CRACD: variants seen among roughly 807,000 people sequenced by gnomAD.
CRACD encodes capping protein inhibiting regulator of actin dynamics.
Under a neutral mutation model 106.8 loss-of-function variants are expected in CRACD, and 56 were observed. The observed-to-expected ratio is 0.52, with a 90% confidence interval of 0.42 to 0.66. The LOEUF is 0.66. CRACD is among the 30% of genes least tolerant of loss of function. The probability of loss-of-function intolerance (pLI) is 0.00; values close to 1 mark genes in which losing one functional copy is unlikely to be tolerated. For synonymous variants in CRACD, 754 were observed against 670.8 expected, an observed-to-expected ratio of 1.12 and a Z score of -1.92; for missense variants, 1,730 against 1,623.2, an observed-to-expected ratio of 1.07 and a Z score of -1.13.
chr4:56,193,135 C>T (rs1249428576), intron 2 of CRACD, among the ~76,000 whole-genome samples: 2 of 152,196 alleles, frequency 1.3e-5, no homozygotes, highest in Middle Eastern at 6.3e-3. Flanking sequence ...GGATGTTTTA[C>T]ATGGCGGCAG....
chr4:56,137,089 A>C (rs1298366670), intron 1 of CRACD, among the ~76,000 whole-genome samples: 1 of 152,132 alleles, frequency 6.6e-6, no homozygotes, highest in East Asian at 1.9e-4. Context: ...GTCTGTCTTT[A>C]CACCAACACC....
chr4:56,082,061 C>T (rs757746275), intron 1 of CRACD, among the ~76,000 whole-genome samples: 6 of 152,042 alleles, frequency 3.9e-5, no homozygotes, highest in Non-Finnish European at 8.8e-5. Context: ...AAGTTTATTT[C>T]GTAAGAAATA....
rs761099922 is a variant in CRACD at position 56,323,574 on chromosome 4, A to G, written c.3378+7A>G. 3.9e-5 allele frequency: 60 copies of G among 1,549,370 alleles called. No homozygotes were observed. The highest frequency in any genetic ancestry group is 5.1e-5 in the Non-Finnish European group (59 of 1,155,606). ...AAAGCTCTCCAAAGAAAATGTGAGTAGCCTGGGCTTCAGCTGTGATTTTGC... is the reference window on the plus strand; with the variant it reads ...AAAGCTCTCCAAAGAAAATGTGAGTGGCCTGGGCTTCAGCTGTGATTTTGC... On this transcript the variant is annotated splice_region_variant and intron_variant, in intron 9 of 10. Transcript: ENST00000682029.
chr4:56,307,370 A>C (rs1201504285), intron 4 of CRACD, among the ~76,000 whole-genome samples, 165 bp from the exon 5 acceptor site: 1 of 152,194 alleles, frequency 6.6e-6, no homozygotes, highest in African/African-American at 2.4e-5. Context: ...AAACAAATTA[A>C]CTTATTACAG....
chr4:56,089,509 A>ATTT (rs761380094), intron 1 of CRACD, among the ~76,000 whole-genome samples: 9 of 124,296 alleles, frequency 7.2e-5, no homozygotes, highest in East Asian at 2.4e-4. Context: ...GTATTATAGG[A>ATTT]TTTTTTTTTT....
intron 2 of CRACD, among the ~76,000 whole-genome samples, chr4:56,265,647 G>A (rs56412848): frequency 0.26 from 39,772 of 151,904 alleles, 5,375 homozygotes; most frequent in Non-Finnish European, 0.27. Context: ...GAGCAAATGC[G>A]ATAACAGCAT....
At chr4:56,163,977 G>A (rs558981448) in intron 1 of CRACD, among the ~76,000 whole-genome samples, 2 of 151,884 alleles carry the variant, frequency 1.3e-5, no homozygotes, top group Non-Finnish European at 2.9e-5. Context: ...GGAGCTCCTG[G>A]CCTCAAGTGA....
rs146208914 is a variant in CRACD at position 56,316,543 on chromosome 4, G to A, written c.3041G>A (p.Arg1014Gln). Residue 1014 changes from arginine (R) to glutamine (Q), a missense_variant, in exon 8 of 11, where the codon CGG becomes CAG. By Grantham distance (43) the Arg-to-Gln change is conservative (BLOSUM62 1). Transcript: ENST00000682029. ...GAGGACCAGGAGAGCAGTGACCGCC[G>A]GCCACCCTCGCCCCCAGGCCCCGAG... is the stretch of plus-strand genomic sequence containing the variant. ...SKEDQESSDRRPPSPPGPEER... is the reference protein window; with the variant it reads ...SKEDQESSDRQPPSPPGPEER... 524 of 1,613,324 alleles carry A rather than the reference G, an allele frequency of 3.2e-4. 1 individual carries two copies. The African/African-American group carries it at 6.2e-3, about 19-fold the overall frequency.
intron 1 of CRACD, among the ~76,000 whole-genome samples, chr4:56,164,506 A>C (rs1000753863): frequency 2.6e-5 from 4 of 152,360 alleles, no homozygotes; most frequent in Non-Finnish European, 4.4e-5. Flanking sequence ...TACGTGCAAC[A>C]ACATGGAAGA....
intron 2 of CRACD, among the ~76,000 whole-genome samples, chr4:56,252,162 C>T (rs1376875924): frequency 6.6e-6 from 1 of 152,092 alleles, no homozygotes; most frequent in African/African-American, 2.4e-5. Context: ...TGAAGAACAC[C>T]GGCCTTAAGA....
In CRACD at chr4:56,315,463, C is replaced by A. The variant is rs61750793; in HGVS notation, c.1961C>A (p.Pro654His). 59 of 1,612,830 alleles carry A rather than the reference C, an allele frequency of 3.7e-5. No individual in the cohort carries two copies. The highest frequency in any genetic ancestry group is 1.6e-4 in the East Asian group (7 of 44,842). ...AGGGCGGGCAGCGGGAAGGCTAAGC[C>A]CCGCCAGGAGTCTCCCAGCAGCGCG... ...DARAGSGKAK[P>H]RQESPSSASA... Residue 654 changes from proline to histidine, a missense_variant, in exon 8 of 11, where the codon CCC (proline) becomes CAC (histidine). Coordinates refer to ENST00000682029, the MANE Select transcript of CRACD (RefSeq NM_001393381.1). This position sits in a 1 kb window ranked among gnomAD's most constrained non-coding sequence, Gnocchi z 4.1.
intron 2 of CRACD, among the ~76,000 whole-genome samples, chr4:56,248,503 T>C (rs1417607838): frequency 6.6e-6 from 1 of 152,158 alleles, no homozygotes; most frequent in Non-Finnish European, 1.5e-5. Context: ...CATTATTTTT[T>C]TTTTTGAATG....
rs571961218 is a variant in CRACD at position 56,105,642 on chromosome 4, G to A, written c.-336+56343G>A. Among the ~76,000 whole-genome samples the A allele has an allele frequency of 3.9e-5, 6 of 152,222 alleles. 1 individual carries two copies. In the East Asian group the frequency reaches 1.2e-3, roughly 29 times the overall value. On this transcript the variant is annotated intron_variant, in intron 1 of 10. Transcript: ENST00000682029. Reference sequence around the variant, plus strand: ...AGCGTTGGCTATTATTATTTATGTTGTTATTATTATTATCTGATGCCTTTC... The same window carrying A: ...AGCGTTGGCTATTATTATTTATGTTATTATTATTATTATCTGATGCCTTTC...
At chr4:56,233,935 T>C (rs1469367011) in intron 2 of CRACD, among the ~76,000 whole-genome samples, 1 of 152,220 alleles carries the variant, frequency 6.6e-6, no homozygotes, top group African/African-American at 2.4e-5. Flanking sequence ...TCCCTAAGTA[T>C]GTTCTATTTT....
intron 2 of CRACD, among the ~76,000 whole-genome samples, chr4:56,231,116 A>T (rs1739593376): frequency 1.3e-5 from 2 of 152,212 alleles, no homozygotes; most frequent in African/African-American, 4.8e-5. Context: ...AATCACTCTT[A>T]CACTTCTTCT....
intron 2 of CRACD, among the ~76,000 whole-genome samples, chr4:56,180,557 T>C (rs1165821795): frequency 1.3e-5 from 2 of 152,066 alleles, no homozygotes; most frequent in African/African-American, 4.8e-5. Context: ...CATATCATTA[T>C]TTTGGCTGCA....
intron 1 of CRACD, among the ~76,000 whole-genome samples, chr4:56,064,422 A>G (rs1732389646): frequency 1.3e-5 from 2 of 152,180 alleles, no homozygotes; most frequent in Admixed American, 1.3e-4. Context: ...AGGCTTTATA[A>G]TGATACCTTG....
intron 1 of CRACD, among the ~76,000 whole-genome samples, chr4:56,091,120 C>T (rs369553674): frequency 1.1e-3 from 160 of 151,968 alleles, no homozygotes; most frequent in African/African-American, 1.8e-3. Flanking sequence ...TATTGCAATC[C>T]GGGCTCACTG....
intron 3 of CRACD, among the ~76,000 whole-genome samples, chr4:56,296,909 T>C (rs1004489272): frequency 4.5e-5 from 6 of 134,278 alleles, no homozygotes; most frequent in Non-Finnish European, 4.7e-5. Flanking sequence ...TGCATTTCTT[T>C]TTTTTTGTTT....
Sources: gnomAD v4.1 joint callset for allele counts (sites outside exome capture counted in the v4.1 genomes callset) on GRCh38, gnomAD v4.1.1 for gene constraint, Gnocchi (gnomAD v3.1) non-coding constraint, MANE v1.5 for transcripts, NCBI Gene and HGNC (gene_info 2026-07-23, HGNC 2026-07-21) for gene names.